ZNF280D: variants seen among roughly 807,000 people sequenced by gnomAD.
ZNF280D encodes the protein zinc finger protein 280D.
Under a neutral mutation model 94.7 loss-of-function variants are expected in ZNF280D, and 39 were observed. The observed-to-expected ratio is 0.41, with a 90% CI of 0.32 to 0.54. ZNF280D has a LOEUF of 0.54. ZNF280D is among the 20% of genes least tolerant of loss of function. ZNF280D has a pLI of 0.22. For missense variants in ZNF280D, 1,090 were observed against 1,149.3 expected, an observed-to-expected ratio of 0.95 and a Z score of 0.75; for synonymous variants, 398 against 377.6, an observed-to-expected ratio of 1.05 and a Z score of -0.63.
chr15:56,652,626 G>A (rs1438714632), intron 19 of ZNF280D: 1 of 984,830 alleles, frequency 1.0e-6, no homozygotes, highest in Admixed American at 6.2e-5. Context: ...CCATATGTAT[G>A]TTTTTTAACA....
Position 56,711,246 on chromosome 15 carries a change from CTT to C in ZNF280D, c.-85-3942_-85-3941del, listed in dbSNP as rs139921505. On this transcript the variant is annotated intron_variant, in intron 1 of 21. Coordinates refer to ENST00000267807, the MANE Select transcript of ZNF280D (RefSeq NM_017661.4). ...CATATACATAAAAAATAAAAATAGA[CTT>C]ATGTCATTGGATTATAGTGAAGATT... Among the ~76,000 whole-genome samples, 155 of 152,218 alleles carry C rather than the reference CTT, an allele frequency of 1.0e-3. 1 individual carries two copies. Among genetic ancestry groups the C allele is most frequent in the African/African-American group, 3.3e-3 (139 of 41,526 alleles).
chr15:56,682,580 A>G, intron 9 of ZNF280D, 103 bp from the exon 10 acceptor site: 2 of 687,952 alleles, frequency 2.9e-6, no homozygotes, highest in Non-Finnish European at 4.5e-6. Context: ...CAGACCATTA[A>G]AACTATGCTT....
chr15:56,729,612 GGC>G (rs763553449), intron 1 of ZNF280D: 13 of 152,254 alleles, frequency 8.5e-5, no homozygotes, highest in Non-Finnish European at 1.5e-4. Context: ...ATTTGAAGAT[GGC>G]TTATGACTGA....
intron 13 of ZNF280D, among the ~76,000 whole-genome samples, chr15:56,673,311 A>G (rs965213081): frequency 6.6e-6 from 1 of 151,952 alleles, no homozygotes. Flanking sequence ...AGTCTTCCCC[A>G]TATCTCAGTA....
rs1306838709 is a variant in ZNF280D, at chr15:56,731,505, T to TCAA, written c.-86+1950_-86+1952dup. The stretch of plus-strand genomic sequence containing the variant: ...CTGGGACACAGAGCAAGTACCTATC[T>TCAA]CAAAAAAAAAAAAAAAAAAAAAAGA... On this transcript the variant is annotated intron_variant, in intron 1 of 21. Transcript: ENST00000267807. 1.6e-3 allele frequency among the ~76,000 whole-genome samples: 24 copies of TCAA among 14,570 alleles called. No homozygotes were observed. In the Admixed American group the frequency reaches 0.029, roughly 18 times the overall value. The allele number at this position is 14,570 out of a possible 152,430, so 9.6% of individuals were successfully genotyped here. A position where few individuals can be genotyped will look rare whatever the true frequency, so the allele number is the denominator to read the frequency against.
intron 1 of ZNF280D, among the ~76,000 whole-genome samples, chr15:56,726,339 A>G (rs2058630720): frequency 6.6e-6 from 1 of 152,164 alleles, no homozygotes; most frequent in Non-Finnish European, 1.5e-5. Context: ...TCCAAAGGAA[A>G]CTAGTTTTTT....
intron 17 of ZNF280D, among the ~76,000 whole-genome samples, chr15:56,656,272 T>G (rs551096412): frequency 6.6e-6 from 1 of 152,300 alleles, no homozygotes; most frequent in South Asian, 2.1e-4. Flanking sequence ...TCTATTTCAA[T>G]AAGAATAATT....
chr15:56,694,469 G>C (rs2056626581), intron 6 of ZNF280D, among the ~76,000 whole-genome samples: 1 of 151,694 alleles, frequency 6.6e-6, no homozygotes, highest in Non-Finnish European at 1.5e-5. Flanking sequence ...AAAAATTAAA[G>C]GAAAAAAGGC....
At chr15:56,671,952 G>A (rs1351810407) in intron 13 of ZNF280D, among the ~76,000 whole-genome samples, 1 of 151,920 alleles carries the variant, frequency 6.6e-6, no homozygotes, top group Non-Finnish European at 1.5e-5. Flanking sequence ...ATTGTGAAGG[G>A]GAGTTCATTC....
At chr15:56,704,366 T>C (rs2057273276) in intron 3 of ZNF280D, 99 bp from the exon 4 acceptor site, 4 of 1,162,082 alleles carry the variant, frequency 3.4e-6, no homozygotes, top group Non-Finnish European at 3.6e-6. Flanking sequence ...ACTTTAATAA[T>C]CTTAATAGCA....
At chr15:56,724,404 C>T (rs1218841901) in intron 1 of ZNF280D, among the ~76,000 whole-genome samples, 1 of 152,170 alleles carries the variant, frequency 6.6e-6, no homozygotes, top group African/African-American at 2.4e-5. Flanking sequence ...AGGTGCAGAA[C>T]AGGTCAAATG....
intron 13 of ZNF280D, among the ~76,000 whole-genome samples, chr15:56,674,693 T>TCCAGGGAACAA (rs2055097706): frequency 6.6e-6 from 1 of 151,472 alleles, no homozygotes; most frequent in African/African-American, 2.4e-5. Flanking sequence ...AGAAAATGCA[T>TCCAGGGAACAA]GTAAAGTACC....
chr15:56,706,646 C>T (rs534196859), intron 3 of ZNF280D, among the ~76,000 whole-genome samples: 8 of 152,164 alleles, frequency 5.3e-5, no homozygotes, highest in African/African-American at 9.6e-5. Context: ...TTGTGTAAGC[C>T]ACCCAATCTG....
At chr15:56,658,220 T>C (rs549837563) in intron 17 of ZNF280D, among the ~76,000 whole-genome samples, 19 of 152,280 alleles carry the variant, frequency 1.2e-4, no homozygotes, top group African/African-American at 4.3e-4. Context: ...TGACCACTAA[T>C]GGGTACAGGG....
chr15:56,689,062 A>T lies in ZNF280D; in HGVS notation c.759T>A (p.Asp253Glu), dbSNP rs1016548775. The T allele has an allele frequency of 6.2e-7, 1 of 1,604,452 alleles. No homozygotes were observed. Among genetic ancestry groups the T allele is most frequent in the African/African-American group, 1.3e-5 (1 of 74,402 alleles). Reference sequence around the variant, plus strand: ...TTACCTTCATGTGATTTTTCAAAGGATCCAAAAGATTGAAATGAATGTTGC... The same window carrying T: ...TTACCTTCATGTGATTTTTCAAAGGTTCCAAAAGATTGAAATGAATGTTGC... Reference protein sequence around the residue: ...PKCNIHFNLLDPLKNHMKYCC... With the variant: ...PKCNIHFNLLEPLKNHMKYCC... The change falls in exon 9 of 22, where the codon GAT (aspartate) becomes GAA (glutamate). Residue 253 changes from aspartate to glutamate, a missense_variant. Coordinates refer to ENST00000267807, the MANE Select transcript of ZNF280D (RefSeq NM_017661.4).
At chr15:56,708,275 C>T (rs1226830293) in intron 1 of ZNF280D, among the ~76,000 whole-genome samples, 1 of 152,138 alleles carries the variant, frequency 6.6e-6, no homozygotes, top group African/African-American at 2.4e-5. Flanking sequence ...TTCAGAGTTA[C>T]TATCACATGA....
At chr15:56,687,469 T>A (rs1177881016) in intron 9 of ZNF280D, among the ~76,000 whole-genome samples, 2 of 152,052 alleles carry the variant, frequency 1.3e-5, no homozygotes, top group Non-Finnish European at 2.9e-5. Context: ...TACTTGTACA[T>A]CCAGAAAGAA....
At chr15:56,694,046 C>T (rs1403185965) in intron 6 of ZNF280D, among the ~76,000 whole-genome samples, 3 of 151,970 alleles carry the variant, frequency 2.0e-5, no homozygotes, top group African/African-American at 7.3e-5. Flanking sequence ...TGTCCTGCTC[C>T]TGGAGGCCTC....
chr15:56,654,786 T>G, intron 17 of ZNF280D: 1 of 493,060 alleles, frequency 2.0e-6, no homozygotes, highest in Non-Finnish European at 4.0e-6. Context: ...CAGTCTTGGC[T>G]CCACAACCAA....
Sources: gnomAD v4.1 joint callset for allele counts (sites outside exome capture counted in the v4.1 genomes callset) on GRCh38, gnomAD v4.1.1 for gene constraint, MANE v1.5 for transcripts, NCBI Gene and HGNC (gene_info 2026-07-23, HGNC 2026-07-21) for gene names.